LINGO2: variants seen among roughly 807,000 people sequenced by gnomAD.
The protein encoded by LINGO2 is leucine-rich repeat and immunoglobulin-like domain-containing nogo receptor-interacting protein 2.
A neutral mutation model predicts 30.6 loss-of-function variants in LINGO2; 14 were observed. The ratio of observed to expected loss-of-function variants is 0.46; its 90% CI spans 0.30 to 0.72. The LOEUF (loss-of-function observed/expected upper bound fraction) is 0.72. Among genes scored for constraint, LINGO2 ranks in the 30% least tolerant of loss-of-function variants. The probability of loss-of-function intolerance (pLI) is 0.07; values close to 1 mark genes in which losing one functional copy is unlikely to be tolerated. For missense variants in LINGO2, 729 were observed against 751.7 expected (o/e 0.97, Z 0.35); for synonymous variants, 317 against 288.5 (o/e 1.10, Z -1.00).
chr9:29,098,106 T>G, the LINGO2 span, among the ~76,000 whole-genome samples: 2 of 152,128 alleles, frequency 1.3e-5, no homozygotes, highest in Non-Finnish European at 2.9e-5. Flanking sequence ...TCTATATAAT[T>G]TATCTAGCAT....
At chr9:28,227,531 G>C (rs1481571989) in intron 4 of LINGO2, among the ~76,000 whole-genome samples, 1 of 151,660 alleles carries the variant, frequency 6.6e-6, no homozygotes, top group African/African-American at 2.4e-5. Flanking sequence ...CTATGTGGCT[G>C]GTATGTATTC....
At chr9:28,316,527 CT>C (rs1824852765) in intron 3 of LINGO2, among the ~76,000 whole-genome samples, 1 of 152,052 alleles carries the variant, frequency 6.6e-6, no homozygotes, top group African/African-American at 2.4e-5. Flanking sequence ...ATTTGAAAAA[CT>C]TTGAAAACTT....
intron 4 of LINGO2, among the ~76,000 whole-genome samples, chr9:28,277,275 T>G (rs1823148582): frequency 6.6e-6 from 1 of 152,166 alleles, no homozygotes; most frequent in Non-Finnish European, 1.5e-5. Flanking sequence ...TATGTTACTA[T>G]TATAATTGTT....
intron 3 of LINGO2, among the ~76,000 whole-genome samples, chr9:28,355,651 T>G (rs1010579511): frequency 7.9e-5 from 12 of 152,104 alleles, no homozygotes; most frequent in Non-Finnish European, 1.6e-4. Flanking sequence ...TCTGTACTTC[T>G]CTGGAACTTG....
intron 5 of LINGO2, among the ~76,000 whole-genome samples, chr9:27,970,968 C>T (rs995399737): frequency 6.6e-6 from 1 of 150,414 alleles, no homozygotes; most frequent in Admixed American, 6.7e-5. Flanking sequence ...ATGAGTTTCC[C>T]AATGTCAAGG....
At chr9:27,956,211 G>A (rs545552478) in intron 5 of LINGO2, among the ~76,000 whole-genome samples, 1 of 152,188 alleles carries the variant, frequency 6.6e-6, no homozygotes, top group Non-Finnish European at 1.5e-5. Flanking sequence ...CAAAATGTTG[G>A]GATTACAGGC....
At chr9:28,053,172 A>G (rs968587694) in intron 4 of LINGO2, among the ~76,000 whole-genome samples, 1 of 152,120 alleles carries the variant, frequency 6.6e-6, no homozygotes, top group Non-Finnish European at 1.5e-5. Context: ...GGAAATATTT[A>G]GTAGACTAGG....
At chr9:28,138,637 T>G (rs1321819121) in intron 4 of LINGO2, among the ~76,000 whole-genome samples, 1 of 152,224 alleles carries the variant, frequency 6.6e-6, no homozygotes, top group Non-Finnish European at 1.5e-5. Context: ...TCATGAATTT[T>G]ATTCCACTTC....
chr9:28,563,002 A>G (rs1009052252), intron 1 of LINGO2, among the ~76,000 whole-genome samples: 58 of 152,142 alleles, frequency 3.8e-4, no homozygotes, highest in Non-Finnish European at 3.4e-4. Flanking sequence ...GCATGCGACC[A>G]CGCCCTGCTA....
chr9:29,128,170 C>T, the LINGO2 span, among the ~76,000 whole-genome samples: 1 of 152,078 alleles, frequency 6.6e-6, no homozygotes, highest in African/African-American at 2.4e-5. Context: ...GGCACCAGTG[C>T]CCACCTAAGG....
intron 4 of LINGO2, among the ~76,000 whole-genome samples, chr9:28,236,688 T>C (rs56159839): frequency 0.011 from 1,710 of 152,032 alleles, 40 homozygotes; most frequent in African/African-American, 0.039. Context: ...ATCAAAACAA[T>C]TGAAACCATG....
At chr9:28,713,665 C>T in the LINGO2 span, among the ~76,000 whole-genome samples, 72 of 152,168 alleles carry the variant, frequency 4.7e-4, no homozygotes, top group African/African-American at 1.7e-3. Flanking sequence ...TTTGAGTAAG[C>T]AGTTTTGTGT....
chr9:28,520,540 T>A (rs1820790234), intron 1 of LINGO2, among the ~76,000 whole-genome samples: 1 of 152,162 alleles, frequency 6.6e-6, no homozygotes, highest in Admixed American at 6.5e-5. Context: ...TTGAAGATTT[T>A]ATTGTTGATA....
At chr9:28,048,820 GAA>G (rs1487343400) in intron 4 of LINGO2, among the ~76,000 whole-genome samples, 1 of 150,462 alleles carries the variant, frequency 6.6e-6, no homozygotes, top group Non-Finnish European at 1.5e-5. Flanking sequence ...CACAATCGAT[GAA>G]AATAGCAACA....
chr9:29,119,269 GA>G, the LINGO2 span, among the ~76,000 whole-genome samples: 7 of 152,126 alleles, frequency 4.6e-5, no homozygotes, highest in African/African-American at 1.7e-4. Flanking sequence ...TGGAATGGAA[GA>G]AATTATTTGC....
At chr9:27,975,080 T>G (rs1247040306) in intron 5 of LINGO2, among the ~76,000 whole-genome samples, 1 of 152,068 alleles carries the variant, frequency 6.6e-6, no homozygotes, top group South Asian at 2.1e-4. Context: ...CCTAGAGGCA[T>G]TTTTTTCCTC....
At chr9:29,156,221 T>C in the LINGO2 span, among the ~76,000 whole-genome samples, 32 of 152,184 alleles carry the variant, frequency 2.1e-4, no homozygotes, top group East Asian at 6.2e-3. Flanking sequence ...ACACAGCCCT[T>C]GAGATGTAAC....
At chr9:28,266,383 A>T (rs1242688728) in intron 4 of LINGO2, among the ~76,000 whole-genome samples, 1 of 152,026 alleles carries the variant, frequency 6.6e-6, no homozygotes, top group East Asian at 1.9e-4. Flanking sequence ...CTCTGATGCA[A>T]CTAATTGTGA....
intron 1 of LINGO2, among the ~76,000 whole-genome samples, chr9:28,617,327 G>A (rs901452583): frequency 9.6e-5 from 14 of 146,216 alleles, no homozygotes; most frequent in African/African-American, 2.9e-4. Flanking sequence ...ACAGAGTCTC[G>A]CTCTGTCGCC....
Sources: allele counts gnomAD v4.1 joint callset (sites outside exome capture counted in the v4.1 genomes callset), GRCh38; gene constraint gnomAD v4.1.1; transcripts MANE v1.5; gene names NCBI Gene and HGNC (gene_info 2026-07-23, HGNC 2026-07-21).